Variants in NDRG1 observed in about 807,000 individuals in gnomAD.
The protein encoded by NDRG1 is N-myc downstream regulated 1.
Under a neutral mutation model 56.9 loss-of-function variants are expected in NDRG1, and 32 were observed. That is an observed-to-expected ratio of 0.56 (90% CI 0.42 to 0.76). NDRG1 has a LOEUF of 0.76. Among genes scored for constraint, NDRG1 ranks in the 30% least tolerant of loss-of-function variants. The pLI, the probability that NDRG1 is intolerant of heterozygous loss-of-function variation, is 0.00. For synonymous variants in NDRG1, 211 were observed against 204.1 expected (o/e 1.03, Z -0.29); for missense variants, 507 against 545.7 (o/e 0.93, Z 0.71).
intron 14 of NDRG1, 97 bp downstream of exon 14, chr8:133,244,258 C>G: frequency 6.9e-7 from 1 of 1,440,608 alleles, no homozygotes; most frequent in Non-Finnish European, 9.7e-7. Flanking sequence ...TCCGATGTCA[C>G]AGCAAGGTAA....
chr8:133,261,607 CCT>C (rs1169585246), intron 5 of NDRG1, among the ~76,000 whole-genome samples: 2 of 152,306 alleles, frequency 1.3e-5, no homozygotes, highest in East Asian at 1.9e-4. Flanking sequence ...TACTTCTCTC[CCT>C]CTCTGTTTCT....
chr8:133,263,071 A>C (rs75962195), intron 4 of NDRG1, among the ~76,000 whole-genome samples: 1,842 of 152,348 alleles, frequency 0.012, 48 homozygotes, highest in African/African-American at 0.042. Flanking sequence ...AGCCTATTAT[A>C]AACCAACAAT....
chr8:133,296,141 C>G (rs1170560134), intron 1 of NDRG1, among the ~76,000 whole-genome samples: 1 of 152,166 alleles, frequency 6.6e-6, no homozygotes, highest in Admixed American at 6.5e-5. Flanking sequence ...AGCCCGAAAT[C>G]TCCTCCCGAG....
At chr8:133,246,793 GGA>G in intron 12 of NDRG1, 130 bp from the exon 13 acceptor site, 1 of 855,908 alleles carries the variant, frequency 1.2e-6, no homozygotes. Context: ...GAAAGTATGT[GGA>G]GTTATTGGGA....
At chr8:133,294,013 T>C (rs187723346) in intron 1 of NDRG1, among the ~76,000 whole-genome samples, 47 of 152,314 alleles carry the variant, frequency 3.1e-4, no homozygotes, top group African/African-American at 1.1e-3. Context: ...CTACACGCTG[T>C]TTTCCACATG....
At chr8:133,272,466 C>T (rs1221614903) in intron 3 of NDRG1, among the ~76,000 whole-genome samples, 3 of 152,180 alleles carry the variant, frequency 2.0e-5, no homozygotes, top group Admixed American at 6.5e-5. Context: ...GGAGGTCAAG[C>T]GAGTGGCCAA....
rs777730979 is a variant in NDRG1, at chr8:133,246,700, T to G, written c.808-37A>C. On this transcript the variant is annotated intron_variant, in intron 12 of 15. Coordinates refer to ENST00000323851, the MANE Select transcript of NDRG1 (RefSeq NM_006096.4). Reference sequence around the variant, plus strand: ...GGAGGAAATCTGTTAATTTTCTACGTGAAGCCAAAGCCAAAACATCTCCCC... The same window carrying G: ...GGAGGAAATCTGTTAATTTTCTACGGGAAGCCAAAGCCAAAACATCTCCCC... 7 of 1,609,544 alleles carry G rather than the reference T, an allele frequency of 4.3e-6. No individual in the cohort carries two copies. The Admixed American group carries it at 1.2e-4, about 27-fold the overall frequency.
chr8:133,291,174 AGATTCCACCCTCT>A, intron 1 of NDRG1, among the ~76,000 whole-genome samples: 1 of 152,336 alleles, frequency 6.6e-6, no homozygotes. Flanking sequence ...CAACTGGCCC[AGATTCCACCCTCT>A]GTAACATGCC....
chr8:133,292,814 G>A (rs1858499851), intron 1 of NDRG1, among the ~76,000 whole-genome samples: 1 of 152,156 alleles, frequency 6.6e-6, no homozygotes, highest in African/African-American at 2.4e-5. Flanking sequence ...TTAAAGAAAG[G>A]AAAGATTAAA....
In NDRG1 at chr8:133,248,697, G is replaced by A. The variant is rs766867204; in HGVS notation, c.755+18C>T. On this transcript the variant is annotated intron_variant, in intron 11 of 15. Transcript: ENST00000323851. ...GCAGCCCCGACTGCAAGTGCTGGGG[G>A]AGAGAAAAGCCACTCACTGCAGGGT... 4 of 1,614,156 alleles carry A rather than the reference G, an allele frequency of 2.5e-6. No individual in the cohort carries two copies. Among genetic ancestry groups the A allele is most frequent in the South Asian group, 1.1e-5 (1 of 91,084 alleles).
chr8:133,269,042 G>GC (rs759044017), intron 3 of NDRG1, among the ~76,000 whole-genome samples: 4 of 152,194 alleles, frequency 2.6e-5, no homozygotes, highest in Non-Finnish European at 4.4e-5. Flanking sequence ...TTCTGTCCCT[G>GC]CGGGGATCAA....
At chr8:133,287,332 C>G (rs1021362227) in intron 1 of NDRG1, among the ~76,000 whole-genome samples, 2 of 152,156 alleles carry the variant, frequency 1.3e-5, no homozygotes, top group African/African-American at 4.8e-5. Context: ...TCTGAGTTCA[C>G]GGAAGCAGGA....
At chr8:133,248,900 G>A in intron 10 of NDRG1, 129 bp from the exon 11 acceptor site, 3 of 974,518 alleles carry the variant, frequency 3.1e-6, no homozygotes, top group South Asian at 1.3e-5. Flanking sequence ...CCCAACTTGA[G>A]AGAGGCCCTG....
intron 9 of NDRG1, among the ~76,000 whole-genome samples, 194 bp from the exon 10 acceptor site, chr8:133,250,737 A>G (rs764827877): frequency 2.1e-4 from 32 of 152,146 alleles, no homozygotes; most frequent in Non-Finnish European, 2.4e-4. Flanking sequence ...GGGTTTCACT[A>G]TCCGCTGGGA....
intron 15 of NDRG1, chr8:133,239,913 G>T (rs1453632731): frequency 6.6e-6 from 1 of 152,360 alleles, no homozygotes; most frequent in East Asian, 1.9e-4. Flanking sequence ...AATCATCCTG[G>T]GTTGAGAGGG....
At chr8:133,279,500 C>A (rs1857658344) in intron 3 of NDRG1, among the ~76,000 whole-genome samples, 1 of 152,206 alleles carries the variant, frequency 6.6e-6, no homozygotes, top group Admixed American at 6.5e-5. Context: ...GACACCTGTG[C>A]AACACATGGG....
chr8:133,254,580 G>C lies in NDRG1; in HGVS notation c.553C>G (p.Gln185Glu), dbSNP rs1246431442. Residue 185 changes from glutamine to glutamate, a missense_variant, in exon 9 of 16, where the codon CAA (glutamine) becomes GAA (glutamate). Transcript: ENST00000323851. Reference sequence around the variant, plus strand: ...GACACCACCATGTCCGGCAGAGCTTGGGTCCATCCTGAGATCTGGAAAGGA... The same window carrying C: ...GACACCACCATGTCCGGCAGAGCTTCGGTCCATCCTGAGATCTGGAAAGGA... ...WAASKISGWT[Q>E]ALPDMVVSHL... 1 of 1,614,098 alleles carries C rather than the reference G, an allele frequency of 6.2e-7. No homozygotes were observed. Among genetic ancestry groups the C allele is most frequent in the East Asian group, 2.2e-5 (1 of 44,878 alleles).
intron 1 of NDRG1, among the ~76,000 whole-genome samples, chr8:133,294,805 C>T (rs891618865): frequency 1.4e-4 from 22 of 152,206 alleles, no homozygotes; most frequent in Non-Finnish European, 3.1e-4. Flanking sequence ...TTCCGCTCTG[C>T]CCCTTTGGCC....
chr8:133,255,346 A>C (rs1407258006), intron 8 of NDRG1: 1 of 456,324 alleles, frequency 2.2e-6, no homozygotes, highest in East Asian at 6.9e-5. Context: ...GAAGGACTGC[A>C]AGAAGTAACT....
Sources: gnomAD v4.1 joint callset for allele counts (sites outside exome capture counted in the v4.1 genomes callset) on GRCh38, gnomAD v4.1.1 for gene constraint, MANE v1.5 for transcripts, NCBI Gene and HGNC (gene_info 2026-07-23, HGNC 2026-07-21) for gene names.